The following MMD2 variants were observed in gnomAD, a reference collection of about 807,000 sequenced individuals.
The protein encoded by MMD2 is monocyte to macrophage differentiation factor 2.
A neutral mutation model predicts 33.5 loss-of-function variants in MMD2; 30 were observed. The observed-to-expected ratio is 0.90, with a 90% CI of 0.67 to 1.22. The LOEUF (loss-of-function observed/expected upper bound fraction) is 1.22. Ranked by LOEUF, MMD2 falls within the 50% of genes most tolerant of loss-of-function variation. MMD2 has a pLI of 0.00. For synonymous variants in MMD2, 129 were observed against 123.0 expected (o/e 1.05, Z -0.32); for missense variants, 364 against 325.4 (o/e 1.12, Z -0.91).
rs368189061 is a variant in MMD2 at position 4,911,079 on chromosome 7, G to A, written c.467+66C>T. 214 of 1,315,486 alleles carry A rather than the reference G, an allele frequency of 1.6e-4. No homozygotes were observed. In the African/African-American group the frequency reaches 2.6e-3, roughly 16 times the overall value. The allele number at this position is 1,315,486 out of a possible 1,614,324, so 81.5% of individuals were successfully genotyped here. A position where few individuals can be genotyped will look rare whatever the true frequency, so the allele number is the denominator to read the frequency against. ...TCATCCTGGACTCTCGGCAGCCCAG[G>A]AGTGCTGGGGAGGCCAGAGCATCTA... On this transcript the variant is annotated intron_variant, in intron 5 of 6. Coordinates refer to ENST00000401401, the MANE Select transcript of MMD2 (RefSeq NM_198403.4).
At chr7:4,939,271 C>A (rs1013205080) in intron 1 of MMD2, among the ~76,000 whole-genome samples, 2 of 151,646 alleles carry the variant, frequency 1.3e-5, no homozygotes, top group Admixed American at 1.3e-4. Flanking sequence ...GGAGGCTGGG[C>A]CCGGTGGCTC....
At chr7:4,908,896 CAAA>C (rs765437583) in intron 6 of MMD2, among the ~76,000 whole-genome samples, 2 of 75,654 alleles carry the variant, frequency 2.6e-5, no homozygotes, top group African/African-American at 4.5e-5. Flanking sequence ...GACTCCATCT[CAAA>C]AAAAAAAAAA....
intron 1 of MMD2, among the ~76,000 whole-genome samples, chr7:4,936,488 G>A (rs144550222): frequency 4.3e-4 from 65 of 152,124 alleles, no homozygotes; most frequent in African/African-American, 1.5e-3. Context: ...GATTTGTGTT[G>A]TTTGAATCTT....
intron 1 of MMD2, among the ~76,000 whole-genome samples, chr7:4,928,057 C>A (rs1785479059): frequency 6.6e-6 from 1 of 152,218 alleles, no homozygotes; most frequent in African/African-American, 2.4e-5. Context: ...GGCTGTCGGA[C>A]CAGCAGCCGG....
intron 1 of MMD2, among the ~76,000 whole-genome samples, chr7:4,943,289 A>G (rs1364658980): frequency 6.6e-6 from 1 of 150,594 alleles, no homozygotes; most frequent in African/African-American, 2.4e-5. Context: ...GATTACAGGC[A>G]TGAGCCACCG....
In MMD2 at chr7:4,916,371, CTTTTTTTT is replaced by C. The variant is rs553309427; in HGVS notation, c.291-300_291-293del. Among the ~76,000 whole-genome samples the C allele has an allele frequency of 4.6e-5, 3 of 64,784 alleles. No homozygotes were observed. The South Asian group carries it at 2.1e-3, about 45-fold the overall frequency. The allele number at this position is 64,784 out of a possible 152,430, so 42.5% of individuals were successfully genotyped here. A position where few individuals can be genotyped will look rare whatever the true frequency, so the allele number is the denominator to read the frequency against. ...TAAGGATTGAACATCCTCCGTCCCA[CTTTTTTTT>C]TTTTTTTTTTTTTTTTTTTTTAAGA... On this transcript the variant is annotated intron_variant, in intron 3 of 6. Transcript: ENST00000401401.
the MMD2 span, among the ~76,000 whole-genome samples, chr7:4,900,502 AC>A: frequency 6.6e-6 from 1 of 152,130 alleles, no homozygotes; most frequent in South Asian, 2.1e-4. Context: ...TGGTGTAAAC[AC>A]TCACACCTTG....
chr7:4,936,918 T>A (rs1785757034), intron 1 of MMD2, among the ~76,000 whole-genome samples: 1 of 151,346 alleles, frequency 6.6e-6, no homozygotes, highest in Non-Finnish European at 1.5e-5. Context: ...TTATTTTTAG[T>A]AGAGACGGGG....
intron 1 of MMD2, among the ~76,000 whole-genome samples, chr7:4,935,110 C>T (rs917678074): frequency 2.6e-5 from 4 of 151,942 alleles, no homozygotes; most frequent in African/African-American, 7.3e-5. Context: ...CTCTTGAACC[C>T]GGGAGGCAGA....
At chr7:4,913,375 A>T (rs1785062603) in intron 4 of MMD2, among the ~76,000 whole-genome samples, 9 of 152,158 alleles carry the variant, frequency 5.9e-5, no homozygotes. Context: ...TTCACCATAA[A>T]ATTCACTTGG....
intron 1 of MMD2, among the ~76,000 whole-genome samples, chr7:4,955,731 G>A (rs1168539983): frequency 1.3e-5 from 2 of 151,982 alleles, no homozygotes; most frequent in Non-Finnish European, 2.9e-5. Context: ...GGAATATTAG[G>A]CACACATTAA....
chr7:4,935,413 G>A (rs751041929), intron 1 of MMD2, among the ~76,000 whole-genome samples: 1 of 151,832 alleles, frequency 6.6e-6, no homozygotes, highest in African/African-American at 2.4e-5. Flanking sequence ...TATTCGGTCT[G>A]GGGTAAAGCC....
At chr7:4,945,130 C>T (rs1010855325) in intron 1 of MMD2, among the ~76,000 whole-genome samples, 2 of 147,074 alleles carry the variant, frequency 1.4e-5, no homozygotes, top group Admixed American at 1.4e-4. Flanking sequence ...TCTCTCTTTC[C>T]TTCTCCTTCT....
chr7:4,944,190 G>A (rs1253617307), intron 1 of MMD2, among the ~76,000 whole-genome samples: 4 of 151,372 alleles, frequency 2.6e-5, no homozygotes, highest in Admixed American at 6.6e-5. Context: ...AGGGAGGATC[G>A]CTTGAGCCCA....
chr7:4,908,697 G>C (rs1001238729), intron 6 of MMD2, among the ~76,000 whole-genome samples: 11 of 151,528 alleles, frequency 7.3e-5, no homozygotes, highest in Non-Finnish European at 1.2e-4. Context: ...AGGAGTTCGA[G>C]ACCAGCCTGG....
chr7:4,933,306 G>C (rs1415134946), intron 1 of MMD2, among the ~76,000 whole-genome samples: 1 of 152,170 alleles, frequency 6.6e-6, no homozygotes, highest in Non-Finnish European at 1.5e-5. Flanking sequence ...AGGCTACAGT[G>C]AGCCAAGATC....
At chr7:4,913,975 A>G (rs1479593963) in intron 4 of MMD2, among the ~76,000 whole-genome samples, 2 of 151,816 alleles carry the variant, frequency 1.3e-5, no homozygotes, top group African/African-American at 2.4e-5. Flanking sequence ...GATTTTTTAA[A>G]TTACATGTTT....
chr7:4,893,590 C>T, the MMD2 span, among the ~76,000 whole-genome samples: 1 of 151,526 alleles, frequency 6.6e-6, no homozygotes, highest in Non-Finnish European at 1.5e-5. Flanking sequence ...CATGGTTTTG[C>T]CACGTTGGTC....
chr7:4,912,382 C>A (rs1038450113), intron 4 of MMD2, among the ~76,000 whole-genome samples: 1 of 151,730 alleles, frequency 6.6e-6, no homozygotes, highest in South Asian at 2.1e-4. Flanking sequence ...CATGGTGAAA[C>A]CCCGTCTCTA....
Sources: gnomAD v4.1 joint callset for allele counts (sites outside exome capture counted in the v4.1 genomes callset) on GRCh38, gnomAD v4.1.1 for gene constraint, MANE v1.5 for transcripts, NCBI Gene and HGNC (gene_info 2026-07-23, HGNC 2026-07-21) for gene names.